ENTREP2: variants seen among roughly 807,000 people sequenced by gnomAD.
The protein encoded by ENTREP2 is endosomal transmembrane epsin interactor 2, also known as protein ENTREP2.
At chr15:29,500,980 C>T in the ENTREP2 span, among the ~76,000 whole-genome samples, 1 of 151,896 alleles carries the variant, frequency 6.6e-6, no homozygotes, top group Non-Finnish European at 1.5e-5. Context: ...TGGACAAATT[C>T]TTAGAAACAC....
the ENTREP2 span, among the ~76,000 whole-genome samples, chr15:29,631,381 C>A: frequency 6.6e-6 from 1 of 152,148 alleles, no homozygotes; most frequent in Non-Finnish European, 1.5e-5. Context: ...GGTCTGTCTT[C>A]TTTAAAGTTT....
chr15:29,362,874 T>C, the ENTREP2 span, among the ~76,000 whole-genome samples: 4 of 152,210 alleles, frequency 2.6e-5, no homozygotes, highest in African/African-American at 9.7e-5. Flanking sequence ...TCACTTGGTC[T>C]TGAGTGGTTT....
chr15:29,145,638 A>AAC, the ENTREP2 span, among the ~76,000 whole-genome samples: 1 of 151,060 alleles, frequency 6.6e-6, no homozygotes, highest in Non-Finnish European at 1.5e-5. Flanking sequence ...AAAAAAAAAA[A>AAC]AAAAAAACAA....
the ENTREP2 span, among the ~76,000 whole-genome samples, chr15:29,664,448 CTTT>C: frequency 3.5e-5 from 5 of 142,972 alleles, no homozygotes; most frequent in Admixed American, 7.0e-5. Flanking sequence ...TTCTCTCTCT[CTTT>C]TTTTTTTTTT....
the ENTREP2 span, among the ~76,000 whole-genome samples, chr15:29,284,856 T>G: frequency 6.6e-6 from 1 of 152,344 alleles, no homozygotes; most frequent in East Asian, 1.9e-4. Flanking sequence ...GTGAATCTCG[T>G]AATATTTATT....
the ENTREP2 span, among the ~76,000 whole-genome samples, chr15:29,326,195 C>T: frequency 6.6e-6 from 1 of 152,152 alleles, no homozygotes; most frequent in South Asian, 2.1e-4. Context: ...CTCACTACTT[C>T]TGTTCAACAT....
chr15:29,237,197 G>A, the ENTREP2 span, among the ~76,000 whole-genome samples: 1 of 152,170 alleles, frequency 6.6e-6, no homozygotes, highest in Admixed American at 6.5e-5. Flanking sequence ...TAATTGGCTT[G>A]TTTTTCACTG....
At chr15:29,233,629 C>T in the ENTREP2 span, 16 of 764,202 alleles carry the variant, frequency 2.1e-5, no homozygotes, top group African/African-American at 2.1e-4. Flanking sequence ...GAAAGGTGTG[C>T]GAGAGCTTAG....
the ENTREP2 span, among the ~76,000 whole-genome samples, chr15:29,516,968 CAA>C: frequency 3.8e-3 from 341 of 88,638 alleles, no homozygotes; most frequent in African/African-American, 0.014. Context: ...AATTATGAGC[CAA>C]AAAAAAAAAA....
chr15:29,439,284 T>TACAAACACACACACACACAC, the ENTREP2 span, among the ~76,000 whole-genome samples: 2 of 97,090 alleles, frequency 2.1e-5, no homozygotes, highest in African/African-American at 1.0e-4. Context: ...AAATTGGAAT[T>TACAAACACACACACACACAC]ACACACACAC....
the ENTREP2 span, among the ~76,000 whole-genome samples, chr15:29,412,259 G>C: frequency 6.6e-6 from 1 of 151,884 alleles, no homozygotes; most frequent in Non-Finnish European, 1.5e-5. Flanking sequence ...TTTCAATAAA[G>C]TTTTACACTT....
chr15:29,395,079 G>T, the ENTREP2 span, among the ~76,000 whole-genome samples: 30 of 38,424 alleles, frequency 7.8e-4, no homozygotes, highest in Non-Finnish European at 1.0e-3. Flanking sequence ...TAGTAGAGAC[G>T]GGGTTTCACC....
chr15:29,650,523 G>A, the ENTREP2 span, among the ~76,000 whole-genome samples: 1 of 152,006 alleles, frequency 6.6e-6, no homozygotes, highest in Non-Finnish European at 1.5e-5. Context: ...AACCTGGGAG[G>A]CGGAGGCTGC....
At chr15:29,391,847 C>T in the ENTREP2 span, among the ~76,000 whole-genome samples, 3 of 152,160 alleles carry the variant, frequency 2.0e-5, no homozygotes, top group East Asian at 1.9e-4. Context: ...TGTTTTGAGA[C>T]AGAGTCTGGC....
the ENTREP2 span, among the ~76,000 whole-genome samples, chr15:29,225,405 C>T: frequency 1.7e-4 from 26 of 152,358 alleles, no homozygotes; most frequent in Middle Eastern, 6.8e-3. Flanking sequence ...AGATGATCCA[C>T]CCGAGTCCAT....
chr15:29,274,842 G>A, the ENTREP2 span, among the ~76,000 whole-genome samples: 2 of 152,172 alleles, frequency 1.3e-5, no homozygotes, highest in Admixed American at 1.3e-4. Context: ...AATGAAGACC[G>A]AAAGAGGTGG....
At chr15:29,223,687 C>T in the ENTREP2 span, among the ~76,000 whole-genome samples, 2 of 152,132 alleles carry the variant, frequency 1.3e-5, no homozygotes, top group Non-Finnish European at 2.9e-5. Flanking sequence ...CAGTAGAACT[C>T]CTGTAGTGGC....
chr15:29,542,065 G>A, the ENTREP2 span, among the ~76,000 whole-genome samples: 1 of 152,232 alleles, frequency 6.6e-6, no homozygotes. Context: ...CTGGAGGGCA[G>A]TGGTGCGATC....
chr15:29,455,156 G>T, the ENTREP2 span, among the ~76,000 whole-genome samples: 1 of 152,124 alleles, frequency 6.6e-6, no homozygotes, highest in Non-Finnish European at 1.5e-5. Flanking sequence ...CCTGCTGGGG[G>T]ATGAGACTAC....
Sources: gnomAD v4.1 joint callset for allele counts (sites outside exome capture counted in the v4.1 genomes callset) on GRCh38, gnomAD v4.1.1 for gene constraint, MANE v1.5 for transcripts, NCBI Gene and HGNC (gene_info 2026-07-23, HGNC 2026-07-21) for gene names.